The following ATP6V1H variants were observed in gnomAD, a reference collection of about 807,000 sequenced individuals.
The protein encoded by ATP6V1H is ATPase H+ transporting V1 subunit H.
Under a neutral mutation model 71.7 loss-of-function variants are expected in ATP6V1H, and 39 were observed. That is an observed-to-expected ratio of 0.54 (90% CI 0.42 to 0.71). The LOEUF is 0.71. ATP6V1H is among the 30% of genes least tolerant of loss of function. The pLI, the probability that ATP6V1H is intolerant of heterozygous loss-of-function variation, is 0.00. For missense variants in ATP6V1H, 509 were observed against 594.9 expected, an observed-to-expected ratio of 0.86 and a Z score of 1.50; for synonymous variants, 192 against 199.3, an observed-to-expected ratio of 0.96 and a Z score of 0.31.
chr8:53,835,223 C>A (rs1811120410), intron 2 of ATP6V1H, among the ~76,000 whole-genome samples: 2 of 152,146 alleles, frequency 1.3e-5, no homozygotes, highest in African/African-American at 4.8e-5. Context: ...CAGAGCTGGG[C>A]CCTGAGACGA....
At chr8:53,827,671 G>A (rs1330427723) in intron 4 of ATP6V1H, among the ~76,000 whole-genome samples, 1 of 151,996 alleles carries the variant, frequency 6.6e-6, no homozygotes, top group African/African-American at 2.4e-5. Context: ...GTAAACTCAT[G>A]TCAAGGGGGT....
intron 9 of ATP6V1H, among the ~76,000 whole-genome samples, chr8:53,788,751 C>T (rs1279027372): frequency 6.6e-6 from 1 of 152,202 alleles, no homozygotes; most frequent in Non-Finnish European, 1.5e-5. Flanking sequence ...TCCAGAGAGA[C>T]TCTTGTCTAT....
At chr8:53,783,946 G>A (rs1265305322) in intron 9 of ATP6V1H, among the ~76,000 whole-genome samples, 1 of 152,062 alleles carries the variant, frequency 6.6e-6, no homozygotes, top group Non-Finnish European at 1.5e-5. Context: ...TTTGCTAAGG[G>A]GTGTTTTACT....
At chr8:53,718,316 C>T (rs1806494858) in intron 13 of ATP6V1H, among the ~76,000 whole-genome samples, 1 of 152,132 alleles carries the variant, frequency 6.6e-6, no homozygotes, top group African/African-American at 2.4e-5. Context: ...TTCCACCCTA[C>T]CATCTTCCAT....
rs73682556 is a variant in ATP6V1H, at chr8:53,733,230, G to A, written c.1391+10347C>T. Among the ~76,000 whole-genome samples the A allele has an allele frequency of 2.8e-3, 428 of 152,320 alleles. 1 individual carries two copies. Among genetic ancestry groups the A allele is most frequent in the African/African-American group, 9.1e-3 (379 of 41,568 alleles). On this transcript the variant is annotated intron_variant, in intron 13 of 13. Transcript: ENST00000359530. ...GTTCACCCGCCTGGACTTGAAGGAC[G>A]CTTTCTTTAGCATCAGACTAGCTCC...
chr8:53,803,190 A>ACAAT (rs1563473890), intron 7 of ATP6V1H, among the ~76,000 whole-genome samples: 19 of 152,186 alleles, frequency 1.2e-4, no homozygotes, highest in Admixed American at 1.2e-3. Flanking sequence ...TACAAAAATT[A>ACAAT]GCCAGGTGTG....
intron 11 of ATP6V1H, among the ~76,000 whole-genome samples, chr8:53,758,093 A>G (rs1456581041): frequency 6.6e-6 from 1 of 152,224 alleles, no homozygotes; most frequent in Non-Finnish European, 1.5e-5. Context: ...AGACATATTC[A>G]GTTTTTCATA....
intron 8 of ATP6V1H, among the ~76,000 whole-genome samples, chr8:53,797,903 A>C (rs1371181702): frequency 6.6e-6 from 1 of 152,182 alleles, no homozygotes; most frequent in Non-Finnish European, 1.5e-5. Context: ...GTACTTAGTT[A>C]ATAATTCTTC....
chr8:53,792,649 T>C (rs895892921), intron 9 of ATP6V1H, among the ~76,000 whole-genome samples: 1 of 152,250 alleles, frequency 6.6e-6, no homozygotes, highest in Admixed American at 6.5e-5. Flanking sequence ...AGGACAGCTT[T>C]GGAGCTGGCA....
intron 11 of ATP6V1H, among the ~76,000 whole-genome samples, chr8:53,760,623 C>T (rs1030611690): frequency 6.6e-6 from 1 of 152,188 alleles, no homozygotes; most frequent in Non-Finnish European, 1.5e-5. Context: ...TGCCCCTCAG[C>T]AGAATTATTT....
intron 4 of ATP6V1H, among the ~76,000 whole-genome samples, chr8:53,821,398 A>T (rs1453141140): frequency 1.3e-5 from 2 of 150,818 alleles, no homozygotes; most frequent in South Asian, 2.1e-4. Context: ...AGAGAGAGAG[A>T]GAGTCCAGGT....
intron 11 of ATP6V1H, among the ~76,000 whole-genome samples, chr8:53,769,120 G>A (rs1451292380): frequency 6.6e-6 from 1 of 151,912 alleles, no homozygotes; most frequent in African/African-American, 2.4e-5. Flanking sequence ...AGATGGACTG[G>A]GTATCTAAAT....
chr8:53,770,813 A>ACGGAGAACCAGTCAT (rs1204691535), intron 10 of ATP6V1H, among the ~76,000 whole-genome samples: 2 of 152,250 alleles, frequency 1.3e-5, no homozygotes, highest in Non-Finnish European at 1.5e-5. Flanking sequence ...AATGATTATT[A>ACGGAGAACCAGTCAT]CGGAGAACCA....
chr8:53,815,621 G>A (rs1489973110), intron 5 of ATP6V1H, among the ~76,000 whole-genome samples: 2 of 152,152 alleles, frequency 1.3e-5, no homozygotes, highest in African/African-American at 2.4e-5. Context: ...GGACTAATGG[G>A]GCGCCTTTAC....
At chr8:53,840,250 C>A (rs1199848310) in intron 2 of ATP6V1H, among the ~76,000 whole-genome samples, 1 of 152,192 alleles carries the variant, frequency 6.6e-6, no homozygotes, top group African/African-American at 2.4e-5. Context: ...GTAATCCCAG[C>A]ACTTTGGGAG....
intron 13 of ATP6V1H, among the ~76,000 whole-genome samples, chr8:53,739,781 A>G (rs1017484996): frequency 6.6e-6 from 1 of 152,252 alleles, no homozygotes; most frequent in African/African-American, 2.4e-5. Context: ...ACAAAAGAAC[A>G]AAGGGCACAC....
chr8:53,731,453 C>T (rs6473888), intron 13 of ATP6V1H, among the ~76,000 whole-genome samples: 128,947 of 152,244 alleles, frequency 0.85, 55,091 homozygotes, highest in African/African-American at 0.96. Flanking sequence ...GTATTATCTA[C>T]AGATTCCAGG....
intron 9 of ATP6V1H, among the ~76,000 whole-genome samples, chr8:53,788,242 A>T (rs1389586969): frequency 6.6e-6 from 1 of 152,216 alleles, no homozygotes; most frequent in Non-Finnish European, 1.5e-5. Context: ...ATCTAAAAAA[A>T]ACTAATATTT....
chr8:53,815,541 C>T (rs1292817089), intron 5 of ATP6V1H, among the ~76,000 whole-genome samples: 2 of 152,180 alleles, frequency 1.3e-5, no homozygotes, highest in African/African-American at 4.8e-5. Context: ...ACCAGTCTGA[C>T]AGGTACACTT....
Sources: allele counts gnomAD v4.1 joint callset (sites outside exome capture counted in the v4.1 genomes callset), GRCh38; gene constraint gnomAD v4.1.1; transcripts MANE v1.5; gene names NCBI Gene and HGNC (gene_info 2026-07-23, HGNC 2026-07-21).